The following EPHA6 variants were observed in gnomAD, a reference collection of about 807,000 sequenced individuals.
The protein encoded by EPHA6 is ephrin type-A receptor 6.
EPHA6 carries 50 observed loss-of-function variants against 112.0 expected under a neutral mutation model. That is an observed-to-expected ratio of 0.45 (90% CI 0.36 to 0.56). The LOEUF (loss-of-function observed/expected upper bound fraction) is 0.56, where lower values mean the gene tolerates loss of function less well. EPHA6 is among the 20% of genes least tolerant of loss of function. The pLI is 0.00. For missense variants in EPHA6, 1,280 were observed against 1,417.4 expected (o/e 0.90, Z 1.56); for synonymous variants, 529 against 490.7 (o/e 1.08, Z -1.03).
chr3:96,981,640 C>G (rs910970535), intron 2 of EPHA6, among the ~76,000 whole-genome samples: 1 of 152,144 alleles, frequency 6.6e-6, no homozygotes, highest in Non-Finnish European at 1.5e-5. Context: ...ACCAGCTCCT[C>G]CTTGTACCTC....
At chr3:96,823,854 A>T (rs538555482) in intron 1 of EPHA6, among the ~76,000 whole-genome samples, 1 of 151,860 alleles carries the variant, frequency 6.6e-6, no homozygotes, top group African/African-American at 2.4e-5. Flanking sequence ...CTTCATTTTC[A>T]TCTGAAAAAG....
intron 1 of EPHA6, among the ~76,000 whole-genome samples, chr3:96,855,524 G>C (rs2035641936): frequency 6.6e-6 from 1 of 152,026 alleles, no homozygotes. Context: ...CCATTTAATG[G>C]GAAAACAGTG....
chr3:97,315,818 A>C (rs1327456193), intron 5 of EPHA6, among the ~76,000 whole-genome samples: 1 of 151,812 alleles, frequency 6.6e-6, no homozygotes, highest in African/African-American at 2.4e-5. Context: ...CACACTGGAA[A>C]GTGCAAGAGC....
At chr3:97,527,738 G>A (rs1234384980) in intron 10 of EPHA6, among the ~76,000 whole-genome samples, 1 of 152,116 alleles carries the variant, frequency 6.6e-6, no homozygotes, top group Admixed American at 6.6e-5. Context: ...CATCAAGAGG[G>A]CAGGGTACTC....
intron 3 of EPHA6, among the ~76,000 whole-genome samples, chr3:97,109,290 T>C (rs1290011367): frequency 1.3e-5 from 2 of 152,184 alleles, no homozygotes; most frequent in Non-Finnish European, 2.9e-5. Flanking sequence ...TAACTTTTTA[T>C]AGACATGCAT....
chr3:97,636,034 TA>T (rs2093942024), intron 13 of EPHA6, among the ~76,000 whole-genome samples: 1 of 152,094 alleles, frequency 6.6e-6, no homozygotes, highest in South Asian at 2.1e-4. Context: ...TAACTATTAT[TA>T]AATTAAGTGA....
intron 2 of EPHA6, among the ~76,000 whole-genome samples, chr3:96,927,726 C>G (rs966968614): frequency 1.3e-5 from 2 of 152,116 alleles, no homozygotes; most frequent in Non-Finnish European, 2.9e-5. Context: ...CCAAATTTTC[C>G]CTCATCTCCC....
rs796531853 is a variant in EPHA6 at position 96,931,018 on chromosome 3, A to AAAAAAAAAAAAAAAAAG, written c.451-56309_451-56308insAAAAAAAAAAAAAGAAA. On this transcript the variant is annotated intron_variant, in intron 2 of 17. Transcript: ENST00000389672. ...AAAAAAAAAAAAAAAAAAAAAAAAAAAAAGAAAAGCTTTCTGGCTGCTTTT... is the reference window on the plus strand; with the variant it reads ...AAAAAAAAAAAAAAAAAAAAAAAAAAAAAAAAAAAAAAAAAAGAAAGAAAAGCTTTCTGGCTGCTTTT... 1.1e-4 allele frequency among the ~76,000 whole-genome samples: 9 copies of AAAAAAAAAAAAAAAAAG among 84,578 alleles called. 1 individual carries two copies. The highest frequency in any genetic ancestry group is 3.8e-4 in the African/African-American group (9 of 23,674). The allele number at this position is 84,578 out of a possible 152,430, so 55.5% of individuals were successfully genotyped here.
chr3:97,283,524 ATG>A (rs1271973144), intron 5 of EPHA6, among the ~76,000 whole-genome samples: 51 of 152,264 alleles, frequency 3.3e-4, no homozygotes, highest in African/African-American at 1.2e-3. Context: ...ATAATATTAA[ATG>A]AAATGGTGAT....
intron 2 of EPHA6, among the ~76,000 whole-genome samples, chr3:96,940,332 G>C (rs1237178569): frequency 1.3e-5 from 2 of 152,126 alleles, no homozygotes; most frequent in African/African-American, 4.8e-5. Flanking sequence ...TTGTTGAATT[G>C]ATCCCTTTAC....
chr3:97,683,727 C>A (rs1273826002), intron 14 of EPHA6, among the ~76,000 whole-genome samples: 2 of 152,120 alleles, frequency 1.3e-5, no homozygotes, highest in Non-Finnish European at 2.9e-5. Flanking sequence ...GGCCCACGTA[C>A]TTCTTTCTAT....
At chr3:97,424,190 C>T (rs886396349) in intron 6 of EPHA6, among the ~76,000 whole-genome samples, 1 of 152,144 alleles carries the variant, frequency 6.6e-6, no homozygotes, top group Non-Finnish European at 1.5e-5. Context: ...CATCAGATCT[C>T]CTGAGACTTG....
intron 5 of EPHA6, among the ~76,000 whole-genome samples, chr3:97,404,001 G>A (rs139676125): frequency 2.6e-5 from 4 of 152,164 alleles, no homozygotes; most frequent in African/African-American, 9.6e-5. Flanking sequence ...TTTATAGATA[G>A]CCATAATTCC....
chr3:97,456,188 A>G (rs1227463496), intron 7 of EPHA6, among the ~76,000 whole-genome samples: 2 of 152,168 alleles, frequency 1.3e-5, no homozygotes, highest in African/African-American at 4.8e-5. Context: ...TCTTTGGTAT[A>G]TAAACCATCA....
At position 96,974,921 on chromosome 3, in the gene EPHA6, T is replaced by C. The variant is rs527950427; in HGVS notation, c.451-12409T>C. On this transcript the variant is annotated intron_variant, in intron 2 of 17. Coordinates refer to ENST00000389672, the MANE Select transcript of EPHA6 (RefSeq NM_001080448.3). ...AATGAGAACAAGGCCCGGAAAGAAG[T>C]TTATTATACTCATAAGTCCCAGAGA... Among the ~76,000 whole-genome samples the C allele has an allele frequency of 5.3e-4, 80 of 151,948 alleles. 1 individual carries two copies. In the South Asian group the frequency reaches 0.014, roughly 26 times the overall value.
In EPHA6 at chr3:97,760,320, T is replaced by G. The variant is rs190675259; in HGVS notation, c.*11619T>G. ...AATGTGATCTTTTAATTGTGCTTGG[T>G]GCTTTGTTTCTGGAGATATATATAT... On this transcript the variant is annotated 3_prime_UTR_variant, in exon 18 of 18. Transcript: ENST00000389672. 5.0e-4 allele frequency: 85 copies of G among 168,722 alleles called. No individual in the cohort carries two copies. The highest frequency in any genetic ancestry group is 5.3e-4 in the East Asian group (5 of 9,398). The allele number at this position is 168,722 out of a possible 1,614,324, so 10.5% of individuals were successfully genotyped here.
intron 1 of EPHA6, among the ~76,000 whole-genome samples, chr3:96,821,544 G>T (rs1466391556): frequency 6.6e-6 from 1 of 151,812 alleles, no homozygotes; most frequent in African/African-American, 2.4e-5. Context: ...TGACTAGGCA[G>T]TGTATTTGCC....
At chr3:97,289,418 A>G (rs1172788038) in intron 5 of EPHA6, among the ~76,000 whole-genome samples, 5 of 152,110 alleles carry the variant, frequency 3.3e-5, no homozygotes, top group African/African-American at 1.2e-4. Flanking sequence ...GGGGTTCTGT[A>G]TTCTGTTCCA....
chr3:97,210,767 A>G (rs530404950), intron 3 of EPHA6, among the ~76,000 whole-genome samples: 22 of 152,108 alleles, frequency 1.4e-4, no homozygotes, highest in Non-Finnish European at 2.2e-4. Flanking sequence ...CTGATCATCT[A>G]TTTTGCTCAC....
Sources: gnomAD v4.1 joint callset for allele counts (sites outside exome capture counted in the v4.1 genomes callset) on GRCh38, gnomAD v4.1.1 for gene constraint, MANE v1.5 for transcripts, NCBI Gene and HGNC (gene_info 2026-07-23, HGNC 2026-07-21) for gene names.